RBFOX1: variants seen among roughly 807,000 people sequenced by gnomAD.
RBFOX1 encodes the protein RNA binding protein fox-1 homolog 1.
Under a neutral mutation model 57.7 loss-of-function variants are expected in RBFOX1, and 8 were observed. The ratio of observed to expected loss-of-function variants is 0.14; its 90% CI spans 0.08 to 0.25. The LOEUF is 0.25. Among genes scored for constraint, RBFOX1 ranks in the 10% least tolerant of loss-of-function variants. The pLI is 1.00. For missense variants in RBFOX1, 611 were observed against 548.5 expected, an observed-to-expected ratio of 1.11 and a Z score of -1.14; for synonymous variants, 326 against 222.4, an observed-to-expected ratio of 1.47 and a Z score of -4.15.
At chr16:6,039,574 A>G (rs187958147) in intron 1 of RBFOX1, among the ~76,000 whole-genome samples, 7 of 152,126 alleles carry the variant, frequency 4.6e-5, no homozygotes, top group Non-Finnish European at 8.8e-5. Flanking sequence ...ATAATTATGC[A>G]TTTCTTAGAC....
chr16:7,162,925 T>G (rs1168180461), intron 4 of RBFOX1, among the ~76,000 whole-genome samples: 1 of 152,186 alleles, frequency 6.6e-6, no homozygotes, highest in Non-Finnish European at 1.5e-5. Flanking sequence ...CATGTGGGTT[T>G]TCTTCCCGTT....
chr16:7,656,980 A>G (rs192373878), intron 12 of RBFOX1, among the ~76,000 whole-genome samples: 1 of 152,092 alleles, frequency 6.6e-6, no homozygotes, highest in Non-Finnish European at 1.5e-5. Flanking sequence ...AGCAATCTCC[A>G]TCTTTTCTAA....
intron 2 of RBFOX1, among the ~76,000 whole-genome samples, chr16:6,621,125 G>A (rs2098223533): frequency 6.6e-6 from 1 of 152,136 alleles, no homozygotes; most frequent in Admixed American, 6.5e-5. Context: ...TGTATTGTCT[G>A]GGTGTCTCTG....
chr16:5,622,958 C>G (rs1404326718), intron 3 of RBFOX1, among the ~76,000 whole-genome samples: 23 of 152,156 alleles, frequency 1.5e-4, no homozygotes, highest in Non-Finnish European at 4.4e-5. Flanking sequence ...TACAGGTAAT[C>G]TATAGACAGT....
intron 3 of RBFOX1, among the ~76,000 whole-genome samples, chr16:6,727,722 G>T (rs531815345): frequency 2.1e-4 from 32 of 152,130 alleles, no homozygotes; most frequent in Non-Finnish European, 4.4e-4. Flanking sequence ...GGGCTCACAC[G>T]TGTGAGTCTC....
At chr16:7,701,173 A>G (rs7206535) in intron 14 of RBFOX1, among the ~76,000 whole-genome samples, 100,947 of 152,016 alleles carry the variant, frequency 0.66, 34,039 homozygotes, top group South Asian at 0.73. Context: ...AACAGAGCCA[A>G]GTAGAGATGA....
chr16:7,169,216 T>C (rs1364736141), intron 4 of RBFOX1, among the ~76,000 whole-genome samples: 1 of 152,222 alleles, frequency 6.6e-6, no homozygotes, highest in East Asian at 1.9e-4. Flanking sequence ...CAGGATGTGA[T>C]GATAATGGTG....
At chr16:6,871,429 G>A (rs896099722) in intron 3 of RBFOX1, among the ~76,000 whole-genome samples, 2 of 152,024 alleles carry the variant, frequency 1.3e-5, no homozygotes, top group African/African-American at 4.8e-5. Context: ...CAAATGATCT[G>A]CTCACCTCAG....
In RBFOX1 at chr16:5,629,040, G is replaced by A. The variant is rs961558463; in HGVS notation, c.318+30079G>A. 4.6e-5 allele frequency among the ~76,000 whole-genome samples: 7 copies of A among 152,128 alleles called. No homozygotes were observed. In the South Asian group the frequency reaches 1.2e-3, roughly 27 times the overall value. ...GCCATCCAGGCCCCAAGCACCCATC[G>A]TAGGGCAAACAAATGCACCAGAGCA... is the stretch of plus-strand genomic sequence containing the variant. On this transcript the variant is annotated intron_variant, in intron 3 of 19. Transcript: ENST00000641259.
chr16:5,936,905 G>C (rs1474378684), intron 4 of RBFOX1, among the ~76,000 whole-genome samples: 1 of 152,144 alleles, frequency 6.6e-6, no homozygotes, highest in Non-Finnish European at 1.5e-5. Context: ...GTGTTGACCA[G>C]GCTTACCTTC....
At chr16:5,528,634 C>T (rs1419913990) in intron 2 of RBFOX1, among the ~76,000 whole-genome samples, 1 of 147,282 alleles carries the variant, frequency 6.8e-6, no homozygotes, top group Non-Finnish European at 1.5e-5. Flanking sequence ...CTCCTTCCTT[C>T]CCTTCTCCGC....
intron 4 of RBFOX1, among the ~76,000 whole-genome samples, chr16:7,193,223 C>T (rs1343643351): frequency 6.6e-6 from 1 of 152,290 alleles, no homozygotes; most frequent in Non-Finnish European, 1.5e-5. Context: ...AGTATCAGAG[C>T]AGCTCTTCCT....
chr16:7,357,087 T>C (rs953304558), intron 4 of RBFOX1, among the ~76,000 whole-genome samples: 10 of 152,194 alleles, frequency 6.6e-5, no homozygotes, highest in African/African-American at 2.2e-4. Context: ...TAAACCAGTT[T>C]GGTCCAGTAG....
chr16:7,083,346 A>G (rs1598990070), intron 4 of RBFOX1, among the ~76,000 whole-genome samples: 2 of 152,204 alleles, frequency 1.3e-5, no homozygotes, highest in African/African-American at 4.8e-5. Flanking sequence ...CATTCCTTGC[A>G]GAGGGACCAC....
chr16:7,005,201 C>T lies in RBFOX1; in HGVS notation c.-15-46856C>T, dbSNP rs377072776. Among the ~76,000 whole-genome samples, 1,043 of 145,068 alleles carry T rather than the reference C, an allele frequency of 7.2e-3. 13 individuals are homozygous for T. Among genetic ancestry groups the T allele is most frequent in the African/African-American group, 0.027 (994 of 36,856 alleles). On this transcript the variant is annotated intron_variant, in intron 3 of 15. Transcript: ENST00000550418. The stretch of plus-strand genomic sequence containing the variant: ...AAACAAAATAAACACATATCCTCAC[C>T]TTTTTGTGTGTGGGACATACAGTAT...
At chr16:7,482,083 C>T (rs1168208734) in intron 4 of RBFOX1, among the ~76,000 whole-genome samples, 1 of 152,222 alleles carries the variant, frequency 6.6e-6, no homozygotes, top group Non-Finnish European at 1.5e-5. Flanking sequence ...CCACACCTAG[C>T]AAGGGCTAGT....
At chr16:7,517,696 C>T (rs2076667158) in intron 4 of RBFOX1, among the ~76,000 whole-genome samples, 1 of 152,028 alleles carries the variant, frequency 6.6e-6, no homozygotes, top group Non-Finnish European at 1.5e-5. Flanking sequence ...TGTCTCTCCT[C>T]TCAAGAACAC....
rs908315282 is a variant in RBFOX1, at chr16:6,256,569, G to A, written c.-126-60426G>A. Among the ~76,000 whole-genome samples, 11 of 151,966 alleles carry A rather than the reference G, an allele frequency of 7.2e-5. No individual in the cohort carries two copies. In the South Asian group the frequency reaches 1.2e-3, roughly 17 times the overall value. ...GTTGCAGTTGTGAATTTTGAAAAGCGATTAAACCGATATAATCAATATGTC... is the reference window on the plus strand; with the variant it reads ...GTTGCAGTTGTGAATTTTGAAAAGCAATTAAACCGATATAATCAATATGTC... On this transcript the variant is annotated intron_variant, in intron 1 of 15. Transcript: ENST00000550418.
intron 2 of RBFOX1, among the ~76,000 whole-genome samples, chr16:5,501,900 T>A (rs531849141): frequency 7.2e-5 from 11 of 152,046 alleles, no homozygotes; most frequent in Admixed American, 5.2e-4. Flanking sequence ...TTATTTATTT[T>A]TTTTGTAGAG....
Sources: allele counts gnomAD v4.1 joint callset (sites outside exome capture counted in the v4.1 genomes callset), GRCh38; gene constraint gnomAD v4.1.1; transcripts MANE v1.5; gene names NCBI Gene and HGNC (gene_info 2026-07-23, HGNC 2026-07-21).